Variants in TOX3 observed in about 807,000 individuals in gnomAD.
TOX3 encodes TOX high mobility group box family member 3.
In TOX3, 22 loss-of-function variants were observed where a neutral mutation model predicts 64.3. The observed-to-expected ratio is 0.34, with a 90% CI of 0.24 to 0.49. TOX3 has a LOEUF of 0.49. Ranked by LOEUF, TOX3 falls within the 20% of genes least tolerant of loss-of-function variation. The pLI is 0.99. For missense variants in TOX3, 661 were observed against 714.4 expected, an observed-to-expected ratio of 0.93 and a Z score of 0.85; for synonymous variants, 291 against 273.6, an observed-to-expected ratio of 1.06 and a Z score of -0.63.
intron 1 of TOX3, among the ~76,000 whole-genome samples, chr16:52,476,360 G>A (rs1961207427): frequency 6.6e-6 from 1 of 152,168 alleles, no homozygotes; most frequent in African/African-American, 2.4e-5. Context: ...ATCTGGACTA[G>A]TTAAAAGTGG....
intron 1 of TOX3, among the ~76,000 whole-genome samples, chr16:52,521,444 G>A (rs1409118315): frequency 6.6e-6 from 1 of 151,352 alleles, no homozygotes; most frequent in Non-Finnish European, 1.5e-5. Flanking sequence ...GTAGTATTCA[G>A]CTGGAAAAAA....
In TOX3 at chr16:52,546,851, G is replaced by T. The variant is rs1963208063; in HGVS notation, c.-128C>A. On this transcript the variant is annotated 5_prime_UTR_variant, in exon 1 of 7. Coordinates refer to ENST00000219746, the MANE Select transcript of TOX3 (RefSeq NM_001080430.4). ...GGCGCGTGGGACTCGCGGCCGGAGGGGCGCCGGGACCCAGAGCCCGAGGAG... is the reference window on the plus strand; with the variant it reads ...GGCGCGTGGGACTCGCGGCCGGAGGTGCGCCGGGACCCAGAGCCCGAGGAG... 4.1e-5 allele frequency: 50 copies of T among 1,232,904 alleles called. No individual in the cohort carries two copies. In the South Asian group the frequency reaches 6.9e-4, roughly 17 times the overall value. 76.4% of individuals were successfully genotyped at this position (1,232,904 alleles called of 1,614,324 possible). A position where few individuals can be genotyped will look rare whatever the true frequency, so the allele number is the denominator to read the frequency against.
intron 1 of TOX3, among the ~76,000 whole-genome samples, chr16:52,539,115 A>T (rs1963022583): frequency 6.6e-6 from 1 of 152,240 alleles, no homozygotes; most frequent in African/African-American, 2.4e-5. Context: ...CATGAAATCC[A>T]AAACAAATGT....
At chr16:52,441,005 G>A (rs1395470822) in intron 6 of TOX3, among the ~76,000 whole-genome samples, 1 of 151,816 alleles carries the variant, frequency 6.6e-6, no homozygotes, top group African/African-American at 2.4e-5. Flanking sequence ...CTCGTGATCT[G>A]CCCACCTCGG....
intron 3 of TOX3, among the ~76,000 whole-genome samples, chr16:52,452,917 G>A (rs990737172): frequency 4.6e-5 from 7 of 152,106 alleles, no homozygotes; most frequent in East Asian, 1.9e-4. Context: ...GTTCTCCTTC[G>A]TTGTTCCTAC....
intron 1 of TOX3, among the ~76,000 whole-genome samples, chr16:52,476,514 T>A (rs543538683): frequency 1.3e-5 from 2 of 152,048 alleles, no homozygotes; most frequent in Non-Finnish European, 2.9e-5. Flanking sequence ...CTTTTTTTTT[T>A]AGCAAAAATG....
chr16:52,499,407 T>C (rs937480843), intron 1 of TOX3, among the ~76,000 whole-genome samples: 4 of 152,220 alleles, frequency 2.6e-5, no homozygotes, highest in African/African-American at 9.6e-5. Context: ...TGTTTGAGTA[T>C]AGTATTAAGG....
intron 1 of TOX3, among the ~76,000 whole-genome samples, chr16:52,494,973 G>A (rs1232865642): frequency 6.6e-6 from 1 of 152,224 alleles, no homozygotes; most frequent in East Asian, 1.9e-4. Flanking sequence ...CCATGGAGAA[G>A]TGACTCTCCT....
chr16:52,494,781 A>C (rs1395856327), intron 1 of TOX3, among the ~76,000 whole-genome samples: 2 of 152,212 alleles, frequency 1.3e-5, no homozygotes, highest in African/African-American at 2.4e-5. Context: ...TCAGATGCAA[A>C]ATTATTTCAC....
chr16:52,439,629 T>A lies in TOX3; in HGVS notation c.1327A>T (p.Met443Leu). The stretch of plus-strand genomic sequence containing the variant: ...TGCTGCTGCTGCTGCTGCAATTGCA[T>A]CTGATGCTGCTGGGTTTGCACCGAA... ...SPSVQTQQHQ[M>L]QLQQQQQQQQ... is the part of the protein sequence containing the mutation. Residue 443 changes from methionine to leucine, a missense_variant, in exon 7 of 7, where the codon ATG (methionine) becomes TTG (leucine). Coordinates refer to ENST00000219746, the MANE Select transcript of TOX3 (RefSeq NM_001080430.4). The A allele has an allele frequency of 2.5e-6, 4 of 1,613,440 alleles. No homozygotes were observed. The highest frequency in any genetic ancestry group is 3.4e-6 in the Non-Finnish European group (4 of 1,179,478).
chr16:52,439,083 T>G lies in TOX3; in HGVS notation c.*142A>C. 2 of 1,192,778 alleles carry G rather than the reference T, an allele frequency of 1.7e-6. No individual in the cohort carries two copies. 73.9% of individuals were successfully genotyped at this position (1,192,778 alleles called of 1,614,324 possible). A position where few individuals can be genotyped will look rare whatever the true frequency, so the allele number is the denominator to read the frequency against. The stretch of plus-strand genomic sequence containing the variant: ...GCTACACTGCAGTTCTTATTGCCTA[T>G]CTAATAGACACTTGAGAGGACCGTT... On this transcript the variant is annotated 3_prime_UTR_variant, in exon 7 of 7. Coordinates refer to ENST00000219746, the MANE Select transcript of TOX3 (RefSeq NM_001080430.4).
intron 6 of TOX3, 145 bp downstream of exon 6, chr16:52,444,131 T>G: frequency 1.8e-6 from 1 of 556,666 alleles, no homozygotes; most frequent in Middle Eastern, 3.7e-4. Flanking sequence ...TTGGGTAATC[T>G]CTAATGGAAA....
chr16:52,522,266 G>A (rs1596856261), intron 1 of TOX3, among the ~76,000 whole-genome samples: 1 of 152,228 alleles, frequency 6.6e-6, no homozygotes, highest in South Asian at 2.1e-4. Context: ...AAGTGGAAGT[G>A]TGGAACTTCA....
intron 1 of TOX3, among the ~76,000 whole-genome samples, chr16:52,480,125 G>A (rs887652985): frequency 9.9e-5 from 15 of 152,284 alleles, no homozygotes; most frequent in Non-Finnish European, 1.5e-5. Context: ...CCAGGCACAC[G>A]ATAGGTTCTC....
At chr16:52,496,525 C>A (rs1961853882) in intron 1 of TOX3, among the ~76,000 whole-genome samples, 1 of 152,178 alleles carries the variant, frequency 6.6e-6, no homozygotes, top group African/African-American at 2.4e-5. Context: ...GAAGTACTTT[C>A]TAAAGACAGG....
At position 52,546,736 on chromosome 16, in the gene TOX3, C is replaced by T; in HGVS notation, c.-13G>A. On this transcript the variant is annotated 5_prime_UTR_variant, in exon 1 of 7. Coordinates refer to ENST00000219746, the MANE Select transcript of TOX3 (RefSeq NM_001080430.4). ...ACCTCACATCCATGCCGAAGCTGGG[C>T]CCGGGGCCGGGGGCCGGGACTGGGG... is the stretch of plus-strand genomic sequence containing the variant. 6.6e-7 allele frequency: 1 copy of T among 1,506,024 alleles called. No homozygotes were observed. The highest frequency in any genetic ancestry group is 8.8e-7 in the Non-Finnish European group (1 of 1,132,288). The allele number at this position is 1,506,024 out of a possible 1,614,324, so 93.3% of individuals were successfully genotyped here. A position where few individuals can be genotyped will look rare whatever the true frequency, so the allele number is the denominator to read the frequency against.
At chr16:52,488,163 C>T (rs371751571) in intron 1 of TOX3, among the ~76,000 whole-genome samples, 33 of 152,252 alleles carry the variant, frequency 2.2e-4, no homozygotes, top group Admixed American at 1.3e-3. Context: ...CAACTTCAGG[C>T]TTTCTCTTCC....
chr16:52,546,814 G>C lies in TOX3; in HGVS notation c.-91C>G. 3.1e-6 allele frequency: 4 copies of C among 1,297,216 alleles called. No individual in the cohort carries two copies. Among genetic ancestry groups the C allele is most frequent in the Middle Eastern group, 2.9e-4 (1 of 3,406 alleles). The allele number at this position is 1,297,216 out of a possible 1,614,324, so 80.4% of individuals were successfully genotyped here. The stretch of plus-strand genomic sequence containing the variant: ...GCCGCCGCTAGATCCACCGTCGAGG[G>C]CGCCCGGGGGTGGCGCGTGGGACTC... On this transcript the variant is annotated 5_prime_UTR_variant, in exon 1 of 7. Coordinates refer to ENST00000219746, the MANE Select transcript of TOX3 (RefSeq NM_001080430.4).
intron 1 of TOX3, among the ~76,000 whole-genome samples, chr16:52,506,910 T>C (rs1160114703): frequency 6.6e-6 from 1 of 152,198 alleles, no homozygotes; most frequent in African/African-American, 2.4e-5. Context: ...AAAGGTTATC[T>C]TGAAGGTTAA....
Sources: gnomAD v4.1 joint callset for allele counts (sites outside exome capture counted in the v4.1 genomes callset) on GRCh38, gnomAD v4.1.1 for gene constraint, MANE v1.5 for transcripts, NCBI Gene and HGNC (gene_info 2026-07-23, HGNC 2026-07-21) for gene names.